LRP1B: variants seen among roughly 807,000 people sequenced by gnomAD.
LRP1B encodes the protein low-density lipoprotein receptor-related protein 1B.
In LRP1B, 217 loss-of-function variants were observed where a neutral mutation model predicts 556.6. The observed-to-expected ratio is 0.39, with a 90% CI of 0.35 to 0.44. The LOEUF (loss-of-function observed/expected upper bound fraction) is 0.44, where lower values mean the gene tolerates loss of function less well. Ranked by LOEUF, LRP1B falls within the 20% of genes least tolerant of loss-of-function variation. The pLI, the probability that LRP1B is intolerant of heterozygous loss-of-function variation, is 1.00. For missense variants in LRP1B, 5,053 were observed against 5,620.8 expected (o/e 0.90, Z 3.23); for synonymous variants, 2,047 against 1,865.8 (o/e 1.10, Z -2.50).
chr2:141,839,928 A>G (rs1697409529), intron 1 of LRP1B, among the ~76,000 whole-genome samples: 1 of 152,154 alleles, frequency 6.6e-6, no homozygotes, highest in East Asian at 1.9e-4. Flanking sequence ...ATAATCCACA[A>G]ACATGTGTCT....
At chr2:140,378,109 G>T in intron 68 of LRP1B, 71 bp downstream of exon 68, 1 of 1,018,388 alleles carries the variant, frequency 9.8e-7, no homozygotes, top group Non-Finnish European at 1.5e-6. Flanking sequence ...GCACTTATTG[G>T]ACTGAATAAT....
chr2:140,784,957 C>T (rs1689844110), intron 32 of LRP1B, among the ~76,000 whole-genome samples: 1 of 151,974 alleles, frequency 6.6e-6, no homozygotes, highest in Non-Finnish European at 1.5e-5. Context: ...AACTGAAGGA[C>T]ATCAGTTTTT....
At chr2:142,097,423 A>G (rs1255211512) in intron 1 of LRP1B, among the ~76,000 whole-genome samples, 2 of 151,698 alleles carry the variant, frequency 1.3e-5, no homozygotes, top group Non-Finnish European at 3.0e-5. Flanking sequence ...CATGTGCAAA[A>G]AAAAGAAGCA....
chr2:141,107,457 C>A (rs1204120532), intron 7 of LRP1B, among the ~76,000 whole-genome samples: 2 of 152,044 alleles, frequency 1.3e-5, no homozygotes, highest in African/African-American at 4.8e-5. Context: ...ACCATCCTGG[C>A]CAACATGGTG....
At chr2:141,587,382 C>T (rs1250983007) in intron 2 of LRP1B, among the ~76,000 whole-genome samples, 1 of 152,130 alleles carries the variant, frequency 6.6e-6, no homozygotes, top group Non-Finnish European at 1.5e-5. Context: ...AATAGGTGTG[C>T]TACTTTCTAT....
rs1405941746 is a variant in LRP1B at position 142,021,190 on chromosome 2, GA to G, written c.82+109457del. ...AGAGATATAATGATTCATAAGCAATGAAAATTATAAATGAAGGATGCAATAT... is the reference window on the plus strand; with the variant it reads ...AGAGATATAATGATTCATAAGCAATGAAATTATAAATGAAGGATGCAATAT... On this transcript the variant is annotated intron_variant, in intron 1 of 90. Coordinates refer to ENST00000389484, the MANE Select transcript of LRP1B (RefSeq NM_018557.3). Among the ~76,000 whole-genome samples, 3 of 152,110 alleles carry G rather than the reference GA, an allele frequency of 2.0e-5. No homozygotes were observed. The East Asian group carries it at 5.8e-4, about 29-fold the overall frequency.
intron 3 of LRP1B, among the ~76,000 whole-genome samples, chr2:141,314,401 A>C (rs1198411643): frequency 2.6e-5 from 4 of 152,206 alleles, no homozygotes; most frequent in Non-Finnish European, 5.9e-5. Flanking sequence ...TGTAATTTAG[A>C]AATATTTTTG....
intron 56 of LRP1B, 144 bp from the exon 57 acceptor site, chr2:140,492,837 G>A (rs537528709): frequency 1.7e-6 from 1 of 587,702 alleles, no homozygotes; most frequent in East Asian, 2.8e-5. Flanking sequence ...ATCATACTGA[G>A]CAACGTAGTT....
At chr2:141,820,928 G>A (rs1303502341) in intron 1 of LRP1B, among the ~76,000 whole-genome samples, 1 of 152,238 alleles carries the variant, frequency 6.6e-6, no homozygotes, top group African/African-American at 2.4e-5. Context: ...CTTTGCAGAT[G>A]TGATTAAGTG....
At chr2:142,049,970 C>T (rs566301921) in intron 1 of LRP1B, among the ~76,000 whole-genome samples, 1 of 152,088 alleles carries the variant, frequency 6.6e-6, no homozygotes, top group South Asian at 2.1e-4. Flanking sequence ...GCTTTATGAC[C>T]GAGGAAATCA....
Position 141,770,160 on chromosome 2 carries a change from CT to C in LRP1B, c.205+40118del, listed in dbSNP as rs556968194. ...TTTACCAGAAATGCTGGCTACTTTT[CT>C]TTTTTTTTTTCACAATAGCTCTGTG... On this transcript the variant is annotated intron_variant, in intron 2 of 90. Transcript: ENST00000389484. Among the ~76,000 whole-genome samples the C allele has an allele frequency of 3.0e-3, 441 of 146,828 alleles. 2 individuals carry two copies. Among genetic ancestry groups the C allele is most frequent in the South Asian group, 5.1e-3 (24 of 4,668 alleles).
intron 1 of LRP1B, among the ~76,000 whole-genome samples, chr2:141,819,259 A>AC (rs200620207): frequency 0.3 from 44,224 of 147,060 alleles, 7,153 homozygotes; most frequent in Non-Finnish European, 0.38. Flanking sequence ...AAACAAACAA[A>AC]AAAAAAAACA....
intron 87 of LRP1B, among the ~76,000 whole-genome samples, 172 bp from the exon 88 acceptor site, chr2:140,239,704 A>T (rs1210555058): frequency 6.6e-6 from 1 of 150,928 alleles, no homozygotes; most frequent in East Asian, 2.0e-4. Flanking sequence ...TTCTTCTCTT[A>T]AACACTTGAT....
At chr2:141,019,332 T>A (rs4954871) in intron 12 of LRP1B, among the ~76,000 whole-genome samples, 26,576 of 152,010 alleles carry the variant, frequency 0.17, 2,488 homozygotes, top group East Asian at 0.24. Flanking sequence ...TGAAGTTTAG[T>A]GGCTAAGAGT....
At chr2:141,606,362 G>A (rs1408207084) in intron 2 of LRP1B, among the ~76,000 whole-genome samples, 3 of 152,108 alleles carry the variant, frequency 2.0e-5, no homozygotes, top group Non-Finnish European at 2.9e-5. Context: ...GCTTTGTTGG[G>A]ATAGTAAATT....
At chr2:140,600,793 T>TTTTA (rs1397495521) in intron 42 of LRP1B, among the ~76,000 whole-genome samples, 2 of 128,504 alleles carry the variant, frequency 1.6e-5, no homozygotes, top group African/African-American at 5.3e-5. Flanking sequence ...TTTTTTTTTT[T>TTTTA]ACATAACTGC....
chr2:141,688,597 A>G (rs531915051), intron 2 of LRP1B, among the ~76,000 whole-genome samples: 1 of 151,956 alleles, frequency 6.6e-6, no homozygotes, highest in African/African-American at 2.4e-5. Flanking sequence ...TAACTAAAGA[A>G]ACTGAGGCCC....
chr2:140,290,503 G>T (rs1475936548), intron 84 of LRP1B, among the ~76,000 whole-genome samples: 1 of 152,062 alleles, frequency 6.6e-6, no homozygotes. Flanking sequence ...ATGTTGTAAA[G>T]AATCTTAAAT....
At chr2:141,720,923 T>A (rs1692787837) in intron 2 of LRP1B, among the ~76,000 whole-genome samples, 1 of 152,152 alleles carries the variant, frequency 6.6e-6, no homozygotes, top group Admixed American at 6.5e-5. Flanking sequence ...AACTTAATAC[T>A]TTAATTATTG....
Sources: gnomAD v4.1 joint callset for allele counts (sites outside exome capture counted in the v4.1 genomes callset) on GRCh38, gnomAD v4.1.1 for gene constraint, MANE v1.5 for transcripts, NCBI Gene and HGNC (gene_info 2026-07-23, HGNC 2026-07-21) for gene names.